The following HAUS8 variants were observed in gnomAD, a reference collection of about 807,000 sequenced individuals.
HAUS8 encodes HAUS augmin-like complex subunit 8.
Under a neutral mutation model 42.9 loss-of-function variants are expected in HAUS8, and 38 were observed. That is an observed-to-expected ratio of 0.89 (90% CI 0.68 to 1.16). The LOEUF (loss-of-function observed/expected upper bound fraction) is 1.16, where lower values mean the gene tolerates loss of function less well. Ranked by LOEUF, HAUS8 falls within the 50% of genes most tolerant of loss-of-function variation. The pLI is 0.00. For missense variants in HAUS8, 494 were observed against 511.6 expected, an observed-to-expected ratio of 0.97 and a Z score of 0.33; for synonymous variants, 199 against 205.8, an observed-to-expected ratio of 0.97 and a Z score of 0.28.
chr19:17,056,438 A>G (rs1173562014), intron 8 of HAUS8, among the ~76,000 whole-genome samples: 2 of 152,168 alleles, frequency 1.3e-5, no homozygotes, highest in Non-Finnish European at 2.9e-5. Flanking sequence ...ATCTGTATCT[A>G]ACTTTTGACT....
At chr19:17,072,131 T>C (rs1242945927) in intron 2 of HAUS8, among the ~76,000 whole-genome samples, 1 of 152,178 alleles carries the variant, frequency 6.6e-6, no homozygotes. Flanking sequence ...GTTTAGAATT[T>C]GGGAATAAGT....
chr19:17,060,272 C>T (rs2123369979), intron 4 of HAUS8, 180 bp from the exon 5 acceptor site: 1 of 552,246 alleles, frequency 1.8e-6, no homozygotes, highest in Non-Finnish European at 3.2e-6. Context: ...CAGCCATCAC[C>T]TTGACTCTAT....
At chr19:17,053,536 C>T (rs1374308341) in intron 9 of HAUS8, 2 of 154,110 alleles carry the variant, frequency 1.3e-5, no homozygotes, top group Non-Finnish European at 2.9e-5. Context: ...CGTTTCACTC[C>T]AATCCTCCAC....
intron 2 of HAUS8, among the ~76,000 whole-genome samples, chr19:17,072,742 G>A (rs1270920694): frequency 2.0e-5 from 3 of 151,986 alleles, no homozygotes; most frequent in East Asian, 3.9e-4. Flanking sequence ...GCCGTTAACG[G>A]TGATCCCAGA....
At chr19:17,055,419 G>C (rs8103913) in intron 9 of HAUS8, among the ~76,000 whole-genome samples, 64,415 of 147,258 alleles carry the variant, frequency 0.44, 14,387 homozygotes, top group South Asian at 0.59. Flanking sequence ...CTGTTCTGAA[G>C]AGAATTTAAG....
chr19:17,069,383 G>C (rs987912272), intron 2 of HAUS8, among the ~76,000 whole-genome samples: 1 of 151,776 alleles, frequency 6.6e-6, no homozygotes, highest in Middle Eastern at 3.4e-3. Context: ...TCAGACAAGC[G>C]GGAGGGAAAG....
rs2057297014 is a variant in HAUS8, at chr19:17,052,944, C to T, written c.810G>A (p.Val270=). Residue 270 remains valine (V), a synonymous_variant, in exon 10 of 11, where the codon GTG becomes GTA. Transcript: ENST00000253669. ...QLLDALQHEL[V]TTQRLLGELD... is the part of the protein sequence containing the mutation. Reference sequence around the variant, plus strand: ...GTTCTCCCAGGAGGCGCTGAGTGGTCACCAGTTCATGCTGCAGGGCGTCTG... The same window carrying T: ...GTTCTCCCAGGAGGCGCTGAGTGGTTACCAGTTCATGCTGCAGGGCGTCTG... 6.2e-7 allele frequency: 1 copy of T among 1,614,068 alleles called. No homozygotes were observed.
rs766746647 is a variant in HAUS8, at chr19:17,055,849, C to A, written c.787+12G>T. The A allele has an allele frequency of 1.2e-6, 2 of 1,611,648 alleles. No individual in the cohort carries two copies. The highest frequency in any genetic ancestry group is 1.7e-5 in the Admixed American group (1 of 59,962). ...GCCTGCTGCACACGCACTGGGACGC[C>A]CCGTTTCCTACCTAAGAGCTGCTGC... On this transcript the variant is annotated intron_variant, in intron 9 of 10. Transcript: ENST00000253669.
intron 3 of HAUS8, among the ~76,000 whole-genome samples, chr19:17,063,708 G>A (rs1405827191): frequency 2.6e-5 from 4 of 152,102 alleles, no homozygotes; most frequent in Non-Finnish European, 5.9e-5. Flanking sequence ...ATCCCTTGAG[G>A]GCCTGAATAC....
At chr19:17,061,275 C>T (rs2057359172) in intron 4 of HAUS8, among the ~76,000 whole-genome samples, 1 of 152,060 alleles carries the variant, frequency 6.6e-6, no homozygotes, top group South Asian at 2.1e-4. Flanking sequence ...AGAATACAGG[C>T]AAGTGTCACC....
At chr19:17,065,556 G>A (rs560868340) in intron 3 of HAUS8, among the ~76,000 whole-genome samples, 11 of 152,288 alleles carry the variant, frequency 7.2e-5, no homozygotes, top group Admixed American at 3.3e-4. Flanking sequence ...GGAGCTGGGC[G>A]TGGTGGCTCA....
intron 9 of HAUS8, among the ~76,000 whole-genome samples, chr19:17,054,074 C>G (rs549454851): frequency 5.6e-4 from 85 of 152,248 alleles, no homozygotes; most frequent in African/African-American, 1.9e-3. Context: ...CACCAGCAGC[C>G]ACCAGCAGGT....
At chr19:17,068,264 C>A (rs1378379320) in intron 3 of HAUS8, among the ~76,000 whole-genome samples, 1 of 151,954 alleles carries the variant, frequency 6.6e-6, no homozygotes, top group East Asian at 1.9e-4. Flanking sequence ...CAGGTGCACG[C>A]CACTGCATCC....
intron 5 of HAUS8, 32 bp downstream of exon 5, chr19:17,059,965 G>GA (rs751726778): frequency 6.7e-7 from 1 of 1,497,544 alleles, no homozygotes; most frequent in South Asian, 1.1e-5. Context: ...AACCCCCAGT[G>GA]AGTGACAGAA....
At chr19:17,066,314 C>A (rs890960656) in intron 3 of HAUS8, among the ~76,000 whole-genome samples, 1 of 152,082 alleles carries the variant, frequency 6.6e-6, no homozygotes, top group Admixed American at 6.6e-5. Flanking sequence ...GTTTGGAACT[C>A]CTGGCCTCAA....
chr19:17,057,167 T>C (rs534167228), intron 8 of HAUS8, among the ~76,000 whole-genome samples: 76 of 152,180 alleles, frequency 5.0e-4, no homozygotes, highest in Middle Eastern at 3.4e-3. Flanking sequence ...CTGGCCAACA[T>C]GGCAAAACCC....
At chr19:17,062,359 C>T (rs1230842216) in intron 4 of HAUS8, among the ~76,000 whole-genome samples, 3 of 152,138 alleles carry the variant, frequency 2.0e-5, no homozygotes, top group Admixed American at 6.5e-5. Context: ...CTCGAACTCC[C>T]GACCTCAGGA....
intron 8 of HAUS8, among the ~76,000 whole-genome samples, chr19:17,057,881 G>A (rs1386482746): frequency 6.6e-6 from 1 of 152,114 alleles, no homozygotes; most frequent in Non-Finnish European, 1.5e-5. Context: ...GGGGAAAGGG[G>A]GACACAGACA....
intron 1 of HAUS8, 105 bp downstream of exon 1, chr19:17,075,289 T>G (rs1600000212): frequency 2.3e-6 from 3 of 1,290,212 alleles, no homozygotes; most frequent in Non-Finnish European, 1.1e-6. Flanking sequence ...CCTGGCGGGG[T>G]CGAACCCGAA....
Sources: gnomAD v4.1 joint callset for allele counts (sites outside exome capture counted in the v4.1 genomes callset) on GRCh38, gnomAD v4.1.1 for gene constraint, MANE v1.5 for transcripts, NCBI Gene and HGNC (gene_info 2026-07-23, HGNC 2026-07-21) for gene names.